ARF4: variants seen among roughly 807,000 people sequenced by gnomAD.
ARF4 encodes ADP-ribosylation factor 4.
A neutral mutation model predicts 24.3 loss-of-function variants in ARF4; 5 were observed. The ratio of observed to expected loss-of-function variants is 0.21; its 90% CI spans 0.11 to 0.43. ARF4 has a LOEUF of 0.43. ARF4 is among the 20% of genes least tolerant of loss of function. ARF4 has a pLI of 1.00. For missense variants in ARF4, 107 were observed against 213.0 expected (o/e 0.50, Z 3.10); for synonymous variants, 62 against 73.5 (o/e 0.84, Z 0.80).
chr3:57,579,447 C>T (rs530607444), intron 3 of ARF4, among the ~76,000 whole-genome samples: 12 of 151,926 alleles, frequency 7.9e-5, no homozygotes, highest in African/African-American at 2.9e-4. Context: ...ACCATTACAC[C>T]TGGCTAATTT....
At chr3:57,577,691 T>A (rs2069923155) in intron 3 of ARF4, among the ~76,000 whole-genome samples, 1 of 152,098 alleles carries the variant, frequency 6.6e-6, no homozygotes, top group African/African-American at 2.4e-5. Flanking sequence ...TAAGTGCAGG[T>A]ACCAAAATAG....
intron 1 of ARF4, among the ~76,000 whole-genome samples, chr3:57,588,793 C>T (rs2070069117): frequency 6.8e-6 from 1 of 146,626 alleles, no homozygotes. Context: ...CCTGTCACTA[C>T]AAAAAATACA....
At chr3:57,581,606 G>C (rs1015734356) in intron 3 of ARF4, among the ~76,000 whole-genome samples, 1 of 152,144 alleles carries the variant, frequency 6.6e-6, no homozygotes, top group Non-Finnish European at 1.5e-5. Flanking sequence ...ATCGAGACCA[G>C]CCTGGCTAAC....
intron 1 of ARF4, among the ~76,000 whole-genome samples, chr3:57,595,821 C>T (rs2070174472): frequency 6.6e-6 from 1 of 151,278 alleles, no homozygotes; most frequent in African/African-American, 2.5e-5. Context: ...CGTGGTGTTG[C>T]ATGCCTGTAA....
chr3:57,580,315 T>C (rs2069953842), intron 3 of ARF4, among the ~76,000 whole-genome samples: 1 of 152,206 alleles, frequency 6.6e-6, no homozygotes, highest in Non-Finnish European at 1.5e-5. Flanking sequence ...TGGCTTATCA[T>C]GGGCATTTAT....
At position 57,571,481 on chromosome 3, in the gene ARF4, A is replaced by G. The variant is rs1256353689; in HGVS notation, c.*731T>C. 1 of 152,654 alleles carries G rather than the reference A, an allele frequency of 6.6e-6. No individual in the cohort carries two copies. Among genetic ancestry groups the G allele is most frequent in the South Asian group, 2.1e-4 (1 of 4,836 alleles). 9.5% of individuals were successfully genotyped at this position (152,654 alleles called of 1,614,324 possible). A position where few individuals can be genotyped will look rare whatever the true frequency, so the allele number is the denominator to read the frequency against. ...TGAAGATATGTCTGCCCAATAAACAAAACATCAGCAGAACTATCATATACT... is the reference window on the plus strand; with the variant it reads ...TGAAGATATGTCTGCCCAATAAACAGAACATCAGCAGAACTATCATATACT... On this transcript the variant is annotated 3_prime_UTR_variant, in exon 6 of 6. Coordinates refer to ENST00000303436, the MANE Select transcript of ARF4 (RefSeq NM_001660.4).
At position 57,579,253 on chromosome 3, in the gene ARF4, CAAAAAAA is replaced by C. The variant is rs764058520; in HGVS notation, c.259-1873_259-1867del. Among the ~76,000 whole-genome samples, 4 of 47,612 alleles carry C rather than the reference CAAAAAAA, an allele frequency of 8.4e-5. 1 individual carries two copies. Among genetic ancestry groups the C allele is most frequent in the Admixed American group, 6.3e-4 (2 of 3,158 alleles). The allele number at this position is 47,612 out of a possible 152,430, so 31.2% of individuals were successfully genotyped here. A position where few individuals can be genotyped will look rare whatever the true frequency, so the allele number is the denominator to read the frequency against. On this transcript the variant is annotated intron_variant, in intron 3 of 5. Coordinates refer to ENST00000303436, the MANE Select transcript of ARF4 (RefSeq NM_001660.4). ...TGGGCGACAAGAGCAAACTACATCT[CAAAAAAA>C]AAAAAAAAAAAAAGGAACTAGATTA...
rs1390107268 is a variant in ARF4 at position 57,572,001 on chromosome 3, T to C, written c.*211A>G. The C allele has an allele frequency of 1.0e-5, 5 of 478,768 alleles. No individual in the cohort carries two copies. In the Admixed American group the frequency reaches 1.8e-4, roughly 17 times the overall value. 29.7% of individuals were successfully genotyped at this position (478,768 alleles called of 1,614,324 possible). A position where few individuals can be genotyped will look rare whatever the true frequency, so the allele number is the denominator to read the frequency against. ...GGGAAGTAAAATTAAAAGAGGATAC[T>C]TTTTTCCCAAGGAGAATTTCTTTAA... On this transcript the variant is annotated 3_prime_UTR_variant, in exon 6 of 6. Transcript: ENST00000303436.
chr3:57,586,894 A>C (rs957397471), intron 1 of ARF4, among the ~76,000 whole-genome samples: 7 of 152,176 alleles, frequency 4.6e-5, no homozygotes, highest in African/African-American at 7.2e-5. Context: ...TTAAGTTCAA[A>C]TATGATTAAG....
At chr3:57,588,140 G>A (rs995182087) in intron 1 of ARF4, among the ~76,000 whole-genome samples, 1 of 152,132 alleles carries the variant, frequency 6.6e-6, no homozygotes, top group African/African-American at 2.4e-5. Flanking sequence ...AATCTGTATA[G>A]CCCAGCAATG....
At position 57,583,881 on chromosome 3, in the gene ARF4, C is replaced by T; in HGVS notation, c.258+17G>A. ...AACCCACAAAGAAAAGTTATAAAAA[C>T]ATACAGTATCCCTTACCTGGGTATT... On this transcript the variant is annotated intron_variant, in intron 3 of 5. Coordinates refer to ENST00000303436, the MANE Select transcript of ARF4 (RefSeq NM_001660.4). The T allele has an allele frequency of 1.3e-6, 2 of 1,519,386 alleles. No individual in the cohort carries two copies. Among genetic ancestry groups the T allele is most frequent in the Non-Finnish European group, 1.8e-6 (2 of 1,104,666 alleles). The allele number at this position is 1,519,386 out of a possible 1,614,324, so 94.1% of individuals were successfully genotyped here.
At chr3:57,572,418 C>G (rs1441579502) in intron 5 of ARF4, 120 bp from the exon 6 acceptor site, 1 of 718,240 alleles carries the variant, frequency 1.4e-6, no homozygotes, top group African/African-American at 1.8e-5. Context: ...CAAAACTCTC[C>G]CATATTTAAA....
At chr3:57,594,086 T>A (rs2070150057) in intron 1 of ARF4, among the ~76,000 whole-genome samples, 1 of 151,930 alleles carries the variant, frequency 6.6e-6, no homozygotes, top group African/African-American at 2.4e-5. Flanking sequence ...TGAAACCCCG[T>A]CTCTACTAAA....
intron 5 of ARF4, among the ~76,000 whole-genome samples, chr3:57,572,833 C>T (rs1174555158): frequency 1.3e-5 from 2 of 152,164 alleles, no homozygotes. Context: ...AACTAATAAA[C>T]TACCCATCTG....
intron 1 of ARF4, among the ~76,000 whole-genome samples, chr3:57,591,265 T>C (rs929380894): frequency 6.6e-6 from 1 of 152,160 alleles, no homozygotes; most frequent in South Asian, 2.1e-4. Context: ...TTCATGAATG[T>C]TGAAGAGCTA....
chr3:57,575,484 C>T, intron 5 of ARF4, 64 bp downstream of exon 5: 2 of 1,464,774 alleles, frequency 1.4e-6, no homozygotes, highest in Non-Finnish European at 1.8e-6. Context: ...TGAATATTAG[C>T]TTACACAACT....
intron 3 of ARF4, among the ~76,000 whole-genome samples, chr3:57,581,741 A>G (rs1386916342): frequency 6.6e-6 from 1 of 152,192 alleles, no homozygotes; most frequent in African/African-American, 2.4e-5. Context: ...CAGAGGTTGC[A>G]GTGAGCCAAG....
intron 5 of ARF4, 56 bp downstream of exon 5, chr3:57,575,492 A>G: frequency 6.6e-7 from 1 of 1,510,496 alleles, no homozygotes; most frequent in Non-Finnish European, 8.9e-7. Flanking sequence ...AGCTTACACA[A>G]CTATCCTAGT....
At chr3:57,575,928 T>A (rs543209538) in intron 4 of ARF4, among the ~76,000 whole-genome samples, 1 of 152,156 alleles carries the variant, frequency 6.6e-6, no homozygotes, top group Admixed American at 6.5e-5. Flanking sequence ...TTAAAGCAAA[T>A]CACTCATCAT....
Sources: gnomAD v4.1 joint callset for allele counts (sites outside exome capture counted in the v4.1 genomes callset) on GRCh38, gnomAD v4.1.1 for gene constraint, MANE v1.5 for transcripts, NCBI Gene and HGNC (gene_info 2026-07-23, HGNC 2026-07-21) for gene names.